The following HMCN1 variants were observed in gnomAD, a reference collection of about 807,000 sequenced individuals.
HMCN1 encodes hemicentin-1.
In HMCN1, 321 loss-of-function variants were observed where a neutral mutation model predicts 625.9. The observed-to-expected ratio is 0.51, with a 90% CI of 0.47 to 0.56. The LOEUF is 0.56. HMCN1 is among the 20% of genes least tolerant of loss of function. HMCN1 has a pLI of 0.00. For missense variants in HMCN1, 6,588 were observed against 6,887.3 expected (o/e 0.96, Z 1.54); for synonymous variants, 2,425 against 2,417.6 (o/e 1.00, Z -0.09).
chr1:185,734,684 G>T lies in HMCN1; in HGVS notation c.-96G>T. On this transcript the variant is annotated 5_prime_UTR_variant, in exon 1 of 107. An upstream start codon of the reference 5' UTR is lost. Transcript: ENST00000271588. ...AGTTCAGAGATTCCAAGAGTCTGAT[G>T]AGTTACTCTGAGAGGAAACCCTCTG... is the stretch of plus-strand genomic sequence containing the variant. 1 of 1,211,666 alleles carries T rather than the reference G, an allele frequency of 8.3e-7. No individual in the cohort carries two copies. Among genetic ancestry groups the T allele is most frequent in the South Asian group, 1.2e-5 (1 of 82,226 alleles). 75.1% of individuals were successfully genotyped at this position (1,211,666 alleles called of 1,614,324 possible).
intron 86 of HMCN1, among the ~76,000 whole-genome samples, chr1:186,136,058 C>T (rs1649582395): frequency 6.6e-6 from 1 of 152,052 alleles, no homozygotes; most frequent in Admixed American, 6.6e-5. Context: ...TGCCTGTAAT[C>T]CCAGCTACTC....
intron 97 of HMCN1, among the ~76,000 whole-genome samples, chr1:186,156,503 C>G (rs1489476211): frequency 1.3e-5 from 2 of 152,086 alleles, no homozygotes; most frequent in African/African-American, 4.8e-5. Context: ...GTGACGACTG[C>G]CTAGTATTAC....
chr1:186,076,723 AT>A (rs777824504), intron 54 of HMCN1, 101 bp downstream of exon 54: 69 of 1,170,702 alleles, frequency 5.9e-5, no homozygotes, highest in Non-Finnish European at 8.2e-5. Flanking sequence ...TGGCTAAGTA[AT>A]TTAACTGGCA....
At position 185,734,837 on chromosome 1, in the gene HMCN1, C is replaced by T. The variant is rs888816751; in HGVS notation, c.58C>T (p.Leu20=). The T allele has an allele frequency of 6.2e-7, 1 of 1,613,938 alleles. No individual in the cohort carries two copies. The highest frequency in any genetic ancestry group is 1.1e-5 in the South Asian group (1 of 91,070). ...CCTGTTTGCTCTTCTTTATTCTTCCCTAGCTCAAGATGCGAGCCCCCAGTC... is the reference window on the plus strand; with the variant it reads ...CCTGTTTGCTCTTCTTTATTCTTCCTTAGCTCAAGATGCGAGCCCCCAGTC... The part of the protein sequence containing the change: ...VFLFALLYSS[L]AQDASPQSEI... The change falls in exon 1 of 107, where the codon CTA becomes TTA. Residue 20 remains leucine, a synonymous_variant. Transcript: ENST00000271588.
chr1:185,806,539 C>A (rs1659181475), intron 1 of HMCN1, among the ~76,000 whole-genome samples: 1 of 85,608 alleles, frequency 1.2e-5, no homozygotes, highest in African/African-American at 4.3e-5. Flanking sequence ...AGAGTAAGAC[C>A]CTGTCTCAAA....
intron 32 of HMCN1, among the ~76,000 whole-genome samples, chr1:186,016,628 A>G (rs1472998806): frequency 6.6e-6 from 1 of 152,048 alleles, no homozygotes; most frequent in African/African-American, 2.4e-5. Flanking sequence ...TATAAATTGA[A>G]GGCTTTTGAA....
At chr1:185,998,363 C>G (rs1652948342) in intron 25 of HMCN1, among the ~76,000 whole-genome samples, 1 of 152,146 alleles carries the variant, frequency 6.6e-6, no homozygotes, top group Non-Finnish European at 1.5e-5. Flanking sequence ...CTGTGGCAAG[C>G]TTTTCAATCT....
rs1290491479 is a variant in HMCN1, at chr1:185,994,977, A to T, written c.3668A>T (p.Asp1223Val). The change falls in exon 24 of 107, where the codon GAC becomes GTC. Residue 1223 changes from aspartate to valine, a missense_variant. This residue lies in a region of HMCN1 where 4,628 missense variants were observed against 4,853.1 expected (regional missense o/e 0.95). Coordinates refer to ENST00000271588, the MANE Select transcript of HMCN1 (RefSeq NM_031935.3). ...GGAGAGCACCATGTTAGCAATCCAG[A>T]CGGAACTTTAAGCATCGACCAAGCC... ...VDGEHHVSNP[D>V]GTLSIDQATP... The T allele has an allele frequency of 5.0e-6, 8 of 1,613,902 alleles. No homozygotes were observed. The South Asian group carries it at 5.5e-5, about 11-fold the overall frequency.
chr1:185,911,629 C>A, intron 5 of HMCN1, 45 bp from the exon 6 acceptor site: 1 of 1,320,564 alleles, frequency 7.6e-7, no homozygotes, highest in Non-Finnish European at 1.1e-6. Context: ...ATATACATAG[C>A]TGAGAGAAGG....
At chr1:185,986,842 AAATT>A (rs1652027753) in intron 19 of HMCN1, among the ~76,000 whole-genome samples, 4 of 149,868 alleles carry the variant, frequency 2.7e-5, no homozygotes, top group Non-Finnish European at 5.9e-5. Context: ...AAAAAAAAAA[AAATT>A]AATTAATTAA....
chr1:185,850,995 G>T (rs1480925268), intron 2 of HMCN1, among the ~76,000 whole-genome samples: 1 of 152,114 alleles, frequency 6.6e-6, no homozygotes, highest in Non-Finnish European at 1.5e-5. Flanking sequence ...GGTTAAACAT[G>T]AAAAGTCTAG....
At chr1:186,169,045 G>A (rs184198924) in intron 100 of HMCN1, among the ~76,000 whole-genome samples, 4 of 152,224 alleles carry the variant, frequency 2.6e-5, no homozygotes, top group Non-Finnish European at 5.9e-5. Flanking sequence ...GTGTTAGTTT[G>A]CCAAGAATTA....
intron 1 of HMCN1, among the ~76,000 whole-genome samples, chr1:185,765,293 A>T (rs1655800705): frequency 6.6e-6 from 1 of 152,130 alleles, no homozygotes; most frequent in African/African-American, 2.4e-5. Flanking sequence ...TGATACTAGA[A>T]TATCTTAAAA....
intron 100 of HMCN1, 55 bp downstream of exon 100, chr1:186,166,997 CT>C (rs1256752227): frequency 1.0e-5 from 16 of 1,607,428 alleles, no homozygotes; most frequent in Non-Finnish European, 2.6e-6. Flanking sequence ...TTAGACCCAC[CT>C]TTTGACTCCT....
chr1:185,789,109 C>A (rs532312239), intron 1 of HMCN1, among the ~76,000 whole-genome samples: 1 of 152,024 alleles, frequency 6.6e-6, no homozygotes, highest in South Asian at 2.1e-4. Flanking sequence ...ACTTTTCCAC[C>A]ACTGAAATCT....
chr1:185,866,833 T>A (rs1571470630), intron 4 of HMCN1, among the ~76,000 whole-genome samples: 1 of 151,998 alleles, frequency 6.6e-6, no homozygotes, highest in African/African-American at 2.4e-5. Context: ...AAGATAAGGG[T>A]TTTTTAAAAT....
rs796844618 is a variant in HMCN1 at position 185,977,652 on chromosome 1, T to G, written c.2372-135T>G. 27 of 686,964 alleles carry G rather than the reference T, an allele frequency of 3.9e-5. No individual in the cohort carries two copies. In the African/African-American group the frequency reaches 4.5e-4, roughly 11 times the overall value. The allele number at this position is 686,964 out of a possible 1,614,324, so 42.6% of individuals were successfully genotyped here. On this transcript the variant is annotated intron_variant, in intron 15 of 106. Coordinates refer to ENST00000271588, the MANE Select transcript of HMCN1 (RefSeq NM_031935.3). ...ACTGTTTTTACCTAAGAGAGGAATA[T>G]CAACAGGGTAAATTTACAATATAAT...
At chr1:185,763,750 A>G (rs1655672598) in intron 1 of HMCN1, among the ~76,000 whole-genome samples, 1 of 152,210 alleles carries the variant, frequency 6.6e-6, no homozygotes, top group Non-Finnish European at 1.5e-5. Context: ...TTTACAGATT[A>G]GAAAGGTAAG....
intron 13 of HMCN1, among the ~76,000 whole-genome samples, chr1:185,965,037 G>T (rs886541376): frequency 1.3e-5 from 2 of 152,088 alleles, no homozygotes; most frequent in Non-Finnish European, 2.9e-5. Flanking sequence ...TATTCTAGCA[G>T]AGAAATTACA....
Sources: gnomAD v4.1 joint callset for allele counts (sites outside exome capture counted in the v4.1 genomes callset) on GRCh38, gnomAD v4.1.1 for gene constraint, gnomAD v4.1.1 regional missense constraint, MANE v1.5 for transcripts, NCBI Gene and HGNC (gene_info 2026-07-23, HGNC 2026-07-21) for gene names.